The following SCARF2 variants were observed in gnomAD, a reference collection of about 807,000 sequenced individuals.
SCARF2 encodes the protein scavenger receptor class F member 2.
A neutral mutation model predicts 73.4 loss-of-function variants in SCARF2; 39 were observed. The ratio of observed to expected loss-of-function variants is 0.53; its 90% CI spans 0.41 to 0.69. SCARF2 has a LOEUF of 0.69. Ranked by LOEUF, SCARF2 falls within the 30% of genes least tolerant of loss-of-function variation. The pLI, the probability that SCARF2 is intolerant of heterozygous loss-of-function variation, is 0.00. For synonymous variants in SCARF2, 605 were observed against 590.0 expected, an observed-to-expected ratio of 1.03 and a Z score of -0.37; for missense variants, 1,148 against 1,303.5, an observed-to-expected ratio of 0.88 and a Z score of 1.84.
Position 20,431,330 on chromosome 22 carries a change from C to T in SCARF2, c.542G>A (p.Cys181Tyr). Residue 181 changes from cysteine to tyrosine, a missense_variant, in exon 4 of 11, where the codon TGC becomes TAC. Transcript: ENST00000622235. ...GGCGCTGCAGTAGCACGCGCTGGCG[C>T]ACTGCGCGCCCCACCAGCCGGGCTC... ...RCEPGWWGAQCASACYCSATS... is the reference protein window; with the variant it reads ...RCEPGWWGAQYASACYCSATS... 6.6e-7 allele frequency: 1 copy of T among 1,506,072 alleles called. No individual in the cohort carries two copies. The highest frequency in any genetic ancestry group is 8.8e-7 in the Non-Finnish European group (1 of 1,135,360). The allele number at this position is 1,506,072 out of a possible 1,614,324, so 93.3% of individuals were successfully genotyped here. A position where few individuals can be genotyped will look rare whatever the true frequency, so the allele number is the denominator to read the frequency against.
Position 20,429,806 on chromosome 22 carries a change from G to C in SCARF2, c.1230C>G (p.Leu410=), listed in dbSNP as rs1380086383. The C allele has an allele frequency of 1.2e-6, 2 of 1,613,170 alleles. No individual in the cohort carries two copies. The highest frequency in any genetic ancestry group is 1.7e-6 in the Non-Finnish European group (2 of 1,179,828). ...AGGCCTGAGCACAGTCCGCGCCGTG[G>C]AGTCCGGGCGGGCACGTCACGTTAC... The part of the protein sequence containing the change: ...PHCNVTCPPG[L]HGADCAQACS... The change falls in exon 7 of 11, where the codon CTC becomes CTG. Residue 410 remains leucine, a synonymous_variant. Coordinates refer to ENST00000622235, the MANE Select transcript of SCARF2 (RefSeq NM_182895.5). The surrounding 1 kb of genome is among the most constrained non-coding windows in gnomAD (Gnocchi z 5.2).
rs1427322885 is a variant in SCARF2 at position 20,427,391 on chromosome 22, T to A, written c.1693+7A>T. 1 of 1,614,106 alleles carries A rather than the reference T, an allele frequency of 6.2e-7. No individual in the cohort carries two copies. Among genetic ancestry groups the A allele is most frequent in the African/African-American group, 1.3e-5 (1 of 75,052 alleles). On this transcript the variant is annotated splice_region_variant and intron_variant, in intron 10 of 10. Coordinates refer to ENST00000622235, the MANE Select transcript of SCARF2 (RefSeq NM_182895.5). ...CTGGAGTGATGCCCAGGTAGGGCCT[T>A]ACTTACCCTCATGGGGTACACAGTA...
rs2052571893 is a variant in SCARF2 at position 20,425,938 on chromosome 22, C to T, written c.2038G>A (p.Ala680Thr). Residue 680 changes from alanine to threonine, a missense_variant, in exon 11 of 11, where the codon GCG (alanine) becomes ACG (threonine). Ala to Thr is a moderately conservative substitution (Grantham distance 58, BLOSUM62 0). Transcript: ENST00000622235. The surrounding 1 kb of genome is among the most constrained non-coding windows in gnomAD (Gnocchi z 4.6). ...GAGCCTGGCGGCGGTGGTGAGGGCG[C>T]ACGGCCAGCTGCAGCGGCGCTGTGC... ...GKHSAAAAGR[A>T]PSPPPPGSEA... is the part of the protein sequence containing the mutation. 6 of 1,595,576 alleles carry T rather than the reference C, an allele frequency of 3.8e-6. No homozygotes were observed. Among genetic ancestry groups the T allele is most frequent in the Non-Finnish European group, 5.1e-6 (6 of 1,174,824 alleles).
rs2052555367 is a variant in SCARF2, at chr22:20,424,973, G to A, written c.*402C>T. 1 of 174,274 alleles carries A rather than the reference G, an allele frequency of 5.7e-6. No individual in the cohort carries two copies. The highest frequency in any genetic ancestry group is 2.4e-5 in the African/African-American group (1 of 42,516). 10.8% of individuals were successfully genotyped at this position (174,274 alleles called of 1,614,324 possible). A position where few individuals can be genotyped will look rare whatever the true frequency, so the allele number is the denominator to read the frequency against. ...CCAGAGGCACCAGGCCCTAGCGGGG[G>A]AGAGGCAGCCCGGGCAGAAGTGCCT... On this transcript the variant is annotated 3_prime_UTR_variant, in exon 11 of 11. Coordinates refer to ENST00000622235, the MANE Select transcript of SCARF2 (RefSeq NM_182895.5).
In SCARF2 at chr22:20,425,904, G is replaced by A. The variant is rs1454418442; in HGVS notation, c.2072C>T (p.Ala691Val). 1.0e-5 allele frequency: 16 copies of A among 1,598,108 alleles called. No homozygotes were observed. Among genetic ancestry groups the A allele is most frequent in the Admixed American group, 1.7e-5 (1 of 59,144 alleles). ...PSPPPPGSEA[A>V]PSPSKRKRTP... is the part of the protein sequence containing the mutation. ...CCGTTTCCTCTTGCTGGGGCTGGGC[G>A]CGGCCTCGGAGCCTGGCGGCGGTGG... Residue 691 changes from alanine to valine, a missense_variant, in exon 11 of 11, where the codon GCG becomes GTG. This residue lies in a region of SCARF2 where 437 missense variants were observed against 433.6 expected (regional missense o/e 1.01). Coordinates refer to ENST00000622235, the MANE Select transcript of SCARF2 (RefSeq NM_182895.5). This position sits in a 1 kb window ranked among gnomAD's most constrained non-coding sequence, Gnocchi z 4.6.
At chr22:20,436,779 G>T (rs993295293) in intron 1 of SCARF2, among the ~76,000 whole-genome samples, 1 of 152,092 alleles carries the variant, frequency 6.6e-6, no homozygotes, top group South Asian at 2.1e-4. Context: ...CCAGCCCACC[G>T]GCTCCCCCGA....
At position 20,431,992 on chromosome 22, in the gene SCARF2, C is replaced by G; in HGVS notation, c.174-4G>C. The G allele has an allele frequency of 1.2e-6, 2 of 1,608,886 alleles. No individual in the cohort carries two copies. Among genetic ancestry groups the G allele is most frequent in the Non-Finnish European group, 1.7e-6 (2 of 1,178,858 alleles). On this transcript the variant is annotated splice_region_variant and splice_polypyrimidine_tract_variant and intron_variant, in intron 1 of 10. Coordinates refer to ENST00000622235, the MANE Select transcript of SCARF2 (RefSeq NM_182895.5). ...GCAGCACGTGGGCACCTGGGAGCTG[C>G]GAGCAGAGGGAGGACATCTAAGCCC...
chr22:20,429,373 G>T lies in SCARF2; in HGVS notation c.1425-33C>A. The T allele has an allele frequency of 7.1e-7, 1 of 1,402,390 alleles. No individual in the cohort carries two copies. Among genetic ancestry groups the T allele is most frequent in the Non-Finnish European group, 9.9e-7 (1 of 1,009,126 alleles). The allele number at this position is 1,402,390 out of a possible 1,614,324, so 86.9% of individuals were successfully genotyped here. A position where few individuals can be genotyped will look rare whatever the true frequency, so the allele number is the denominator to read the frequency against. On this transcript the variant is annotated intron_variant, in intron 8 of 10. Transcript: ENST00000622235. The surrounding 1 kb of genome is among the most constrained non-coding windows in gnomAD (Gnocchi z 5.2). Reference sequence around the variant, plus strand: ...GGCGGGGTCTGAGCGGAGGGGCGGGGCCGGGGCGGGGCCCAGGGGCGATTA... The same window carrying T: ...GGCGGGGTCTGAGCGGAGGGGCGGGTCCGGGGCGGGGCCCAGGGGCGATTA...
At position 20,429,310 on chromosome 22, in the gene SCARF2, C is replaced by T. The variant is rs779948343; in HGVS notation, c.1455G>A (p.Pro485=). 2 of 1,496,688 alleles carry T rather than the reference C, an allele frequency of 1.3e-6. No individual in the cohort carries two copies. The highest frequency in any genetic ancestry group is 1.8e-6 in the Non-Finnish European group (2 of 1,107,932). 92.7% of individuals were successfully genotyped at this position (1,496,688 alleles called of 1,614,324 possible). Residue 485 remains proline (P), a synonymous_variant, in exon 9 of 11, where the codon CCG becomes CCA. Coordinates refer to ENST00000622235, the MANE Select transcript of SCARF2 (RefSeq NM_182895.5). The surrounding 1 kb of genome is among the most constrained non-coding windows in gnomAD (Gnocchi z 5.2). ...RELSLGRKKA[P]HRLCGRFSRI... is the part of the protein sequence containing the mutation. ...GACTGAAGCGCCCGCATAGTCGGTG[C>T]GGCGCCTTCTTCCTCCCAAGCGAAA... is the stretch of plus-strand genomic sequence containing the variant.
rs114905992 is a variant in SCARF2 at position 20,426,629 on chromosome 22, C to T, written c.1694-347G>A. The stretch of plus-strand genomic sequence containing the variant: ...AACATCCCCACAGGGGTTCCATTAT[C>T]CTTCTTTAAGAGAGAAGGCTTCTAG... On this transcript the variant is annotated intron_variant, in intron 10 of 10. Transcript: ENST00000622235. Among the ~76,000 whole-genome samples, 833 of 152,334 alleles carry T rather than the reference C, an allele frequency of 5.5e-3. 4 individuals carry two copies. Among genetic ancestry groups the T allele is most frequent in the African/African-American group, 0.018 (757 of 41,582 alleles).
Position 20,429,206 on chromosome 22 carries a change from C to T in SCARF2, c.1540+19G>A. ...GTCGAGAGGTGTTTCTCCCAGATAC[C>T]CCGCGCTGTCATCCTTACCTACGAC... On this transcript the variant is annotated intron_variant, in intron 9 of 10. Coordinates refer to ENST00000622235, the MANE Select transcript of SCARF2 (RefSeq NM_182895.5). This position sits in a 1 kb window ranked among gnomAD's most constrained non-coding sequence, Gnocchi z 5.2. The T allele has an allele frequency of 6.2e-7, 1 of 1,613,958 alleles. No homozygotes were observed. The highest frequency in any genetic ancestry group is 8.5e-7 in the Non-Finnish European group (1 of 1,180,010).
chr22:20,432,238 C>A (rs1487213031), intron 1 of SCARF2, among the ~76,000 whole-genome samples: 2 of 152,168 alleles, frequency 1.3e-5, no homozygotes, highest in Non-Finnish European at 2.9e-5. Flanking sequence ...GTGTCCTCCT[C>A]CCACAGCCAT....
chr22:20,435,636 G>GC (rs2052691827), intron 1 of SCARF2, among the ~76,000 whole-genome samples: 1 of 152,080 alleles, frequency 6.6e-6, no homozygotes, highest in African/African-American at 2.4e-5. Flanking sequence ...TGGGAACCTT[G>GC]CCCCAGACAC....
Position 20,425,990 on chromosome 22 carries a change from C to T in SCARF2, c.1986G>A (p.Lys662=). Reference sequence around the variant, plus strand: ...TGCCGTGGATCCAGGACACCTTAGGCTTGGTGGCGGGGTCAGGTGGCGGCG... The same window carrying T: ...TGCCGTGGATCCAGGACACCTTAGGTTTGGTGGCGGGGTCAGGTGGCGGCG... The part of the protein sequence containing the change: ...RKPPPPDPAT[K]PKVSWIHGKH... The change falls in exon 11 of 11, where the codon AAG becomes AAA. Residue 662 remains lysine (K), a synonymous_variant. Transcript: ENST00000622235. The surrounding 1 kb of genome is among the most constrained non-coding windows in gnomAD (Gnocchi z 4.6). 3 of 1,588,280 alleles carry T rather than the reference C, an allele frequency of 1.9e-6. No homozygotes were observed. Among genetic ancestry groups the T allele is most frequent in the South Asian group, 2.2e-5 (2 of 89,108 alleles).
chr22:20,435,674 G>A (rs540712024), intron 1 of SCARF2, among the ~76,000 whole-genome samples: 1 of 152,264 alleles, frequency 6.6e-6, no homozygotes, highest in Admixed American at 6.5e-5. Context: ...TCTTCTGCAG[G>A]CCTGTGCTCA....
rs1175875302 is a variant in SCARF2, at chr22:20,430,716, G to C, written c.1047C>G (p.Arg349=). 4.4e-6 allele frequency: 7 copies of C among 1,605,264 alleles called. No homozygotes were observed. Among genetic ancestry groups the C allele is most frequent in the Non-Finnish European group, 5.1e-6 (6 of 1,176,502 alleles). Residue 349 remains arginine, a synonymous_variant, in exon 5 of 11, where the codon CGC becomes CGG. Transcript: ENST00000622235. ...ACNHVTGKCT[R]CNAGWIGDRC... ...GGTCGCCGATCCAGCCCGCGTTGCA[G>C]CGCGTACACTTGCCGGTGACATGGT...
rs1480558944 is a variant in SCARF2, at chr22:20,431,849, G to A, written c.233-3C>T. 6.3e-7 allele frequency: 1 copy of A among 1,597,548 alleles called. No individual in the cohort carries two copies. Among genetic ancestry groups the A allele is most frequent in the Non-Finnish European group, 8.5e-7 (1 of 1,173,162 alleles). ...CGTGGAGTTGCCTTCGCACACCGCT[G>A]TGGACGAGACAGGCCAGAGCTGCTG... is the stretch of plus-strand genomic sequence containing the variant. On this transcript the variant is annotated splice_polypyrimidine_tract_variant and splice_region_variant and intron_variant, in intron 2 of 10. Coordinates refer to ENST00000622235, the MANE Select transcript of SCARF2 (RefSeq NM_182895.5).
At chr22:20,436,557 C>T (rs1013645415) in intron 1 of SCARF2, among the ~76,000 whole-genome samples, 4 of 152,056 alleles carry the variant, frequency 2.6e-5, no homozygotes, top group African/African-American at 9.7e-5. Flanking sequence ...CCCCGCGCTG[C>T]CCCCTCGCAG....
chr22:20,436,668 C>T (rs902935221), intron 1 of SCARF2, among the ~76,000 whole-genome samples: 2 of 152,288 alleles, frequency 1.3e-5, no homozygotes, highest in South Asian at 2.1e-4. Flanking sequence ...GCCGCCTCTG[C>T]GGCTGCCAGC....
Sources: gnomAD v4.1 joint callset for allele counts (sites outside exome capture counted in the v4.1 genomes callset) on GRCh38, gnomAD v4.1.1 for gene constraint, gnomAD v4.1.1 regional missense constraint, Gnocchi (gnomAD v3.1) non-coding constraint, MANE v1.5 for transcripts, NCBI Gene and HGNC (gene_info 2026-07-23, HGNC 2026-07-21) for gene names.